The following RBM44 variants were observed in gnomAD, a reference collection of about 807,000 sequenced individuals.
The protein encoded by RBM44 is RNA-binding protein 44.
RBM44 carries 66 observed loss-of-function variants against 105.1 expected under a neutral mutation model. The ratio of observed to expected loss-of-function variants is 0.63; its 90% CI spans 0.52 to 0.77. The LOEUF is 0.77. Among genes scored for constraint, RBM44 ranks in the 30% least tolerant of loss-of-function variants. The pLI is 0.00. For synonymous variants in RBM44, 365 were observed against 417.6 expected, an observed-to-expected ratio of 0.87 and a Z score of 1.54; for missense variants, 1,122 against 1,207.8, an observed-to-expected ratio of 0.93 and a Z score of 1.05.
In RBM44 at chr2:237,818,346, CT is replaced by C. The variant is rs750147819; in HGVS notation, c.1429del (p.Cys477ValfsTer14). 7.4e-6 allele frequency: 12 copies of C among 1,611,320 alleles called. No individual in the cohort carries two copies. The South Asian group carries it at 1.1e-4, about 15-fold the overall frequency. ...GTGGACGTTAGCACTGATTTTAGGG[CT>C]TGTTTCACAACCAGCAGGGCAACAA... The part of the protein sequence containing the change: ...QTVDVSTDFR[A>X]CFTTSRATSA... On this transcript the variant is annotated frameshift_variant, in exon 3 of 16. Transcript: ENST00000316997. LOFTEE classifies it high-confidence loss of function. This position sits in a 1 kb window ranked among gnomAD's most constrained non-coding sequence, Gnocchi z 4.6.
At chr2:237,831,833 G>A (rs2061906090) in intron 13 of RBM44, among the ~76,000 whole-genome samples, 1 of 152,034 alleles carries the variant, frequency 6.6e-6, no homozygotes, top group Non-Finnish European at 1.5e-5. Context: ...CCCTTCATGT[G>A]TGGGATTGAT....
At position 237,818,991 on chromosome 2, in the gene RBM44, C is replaced by G; in HGVS notation, c.1736+32C>G. 8.5e-7 allele frequency: 1 copy of G among 1,176,878 alleles called. No homozygotes were observed. The highest frequency in any genetic ancestry group is 2.4e-5 in the Admixed American group (1 of 42,022). 72.9% of individuals were successfully genotyped at this position (1,176,878 alleles called of 1,614,324 possible). A position where few individuals can be genotyped will look rare whatever the true frequency, so the allele number is the denominator to read the frequency against. On this transcript the variant is annotated intron_variant, in intron 4 of 15. Coordinates refer to ENST00000316997, the MANE Select transcript of RBM44 (RefSeq NM_001080504.3). This position sits in a 1 kb window ranked among gnomAD's most constrained non-coding sequence, Gnocchi z 4.6. ...CATTTATATATGCTTACAGATACAT[C>G]TGGAAGAAAAAATCAAAATAGTATT...
chr2:237,825,011 T>C (rs2061833767), intron 10 of RBM44, among the ~76,000 whole-genome samples: 1 of 152,056 alleles, frequency 6.6e-6, no homozygotes, highest in African/African-American at 2.4e-5. Flanking sequence ...GGTTGTATTG[T>C]TTTTTCCTGC....
chr2:237,824,793 A>G (rs2061831206), intron 10 of RBM44, among the ~76,000 whole-genome samples: 1 of 152,054 alleles, frequency 6.6e-6, no homozygotes, highest in Non-Finnish European at 1.5e-5. Flanking sequence ...AATTGGTGTT[A>G]ATGATGAAAA....
chr2:237,812,862 A>T (rs1459751991), intron 1 of RBM44, among the ~76,000 whole-genome samples: 1 of 152,300 alleles, frequency 6.6e-6, no homozygotes, highest in East Asian at 1.9e-4. Context: ...CTGGGTTCAG[A>T]GTCATTATAT....
At chr2:237,807,198 G>T (rs1475701660) in intron 1 of RBM44, among the ~76,000 whole-genome samples, 3 of 152,138 alleles carry the variant, frequency 2.0e-5, no homozygotes, top group Admixed American at 6.5e-5. Context: ...GCCCAGGATG[G>T]AGTGCAGTGG....
chr2:237,840,486 T>TA (rs2062001570), intron 15 of RBM44, among the ~76,000 whole-genome samples: 1 of 152,048 alleles, frequency 6.6e-6, no homozygotes, highest in Admixed American at 6.6e-5. Flanking sequence ...ACCTAAGAAT[T>TA]ACCATTCTGG....
rs1399410723 is a variant in RBM44 at position 237,823,353 on chromosome 2, A to G, written c.2206-87A>G. 4 of 629,876 alleles carry G rather than the reference A, an allele frequency of 6.4e-6. No individual in the cohort carries two copies. The Admixed American group carries it at 1.2e-4, about 19-fold the overall frequency. The allele number at this position is 629,876 out of a possible 1,614,324, so 39.0% of individuals were successfully genotyped here. On this transcript the variant is annotated intron_variant, in intron 8 of 15. Coordinates refer to ENST00000316997, the MANE Select transcript of RBM44 (RefSeq NM_001080504.3). ...GAGCCCTCATTACTGTAAAGGCTGA[A>G]TAATGCCAGTGAAGAGTACCTGTCA...
intron 2 of RBM44, 80 bp downstream of exon 2, chr2:237,813,762 G>A: frequency 3.2e-6 from 3 of 935,980 alleles, no homozygotes; most frequent in Non-Finnish European, 1.7e-6. Context: ...TGCCCTTCAG[G>A]TTGCTGCTTT....
chr2:237,818,283 C>G lies in RBM44; in HGVS notation c.1364C>G (p.Thr455Arg), dbSNP rs765776671. The G allele has an allele frequency of 3.1e-6, 5 of 1,613,286 alleles. No individual in the cohort carries two copies. The East Asian group carries it at 1.1e-4, about 36-fold the overall frequency. ...GGAGAAATGTGTACTAAATCATTGA[C>G]AGATGCAGCAAGTTGTACAGTCACA... Reference protein sequence around the residue: ...NIGEMCTKSLTDAASCTVTIN... With the variant: ...NIGEMCTKSLRDAASCTVTIN... Residue 455 changes from threonine (T) to arginine (R), a missense_variant, in exon 3 of 16, where the codon ACA (threonine) becomes AGA (arginine). Physicochemically the swap from Thr to Arg is moderately conservative, Grantham distance 71. Coordinates refer to ENST00000316997, the MANE Select transcript of RBM44 (RefSeq NM_001080504.3). The surrounding 1 kb of genome is among the most constrained non-coding windows in gnomAD (Gnocchi z 4.6).
intron 1 of RBM44, among the ~76,000 whole-genome samples, chr2:237,809,607 G>A (rs917186491): frequency 1.3e-5 from 2 of 152,084 alleles, no homozygotes; most frequent in African/African-American, 4.8e-5. Flanking sequence ...ATGCCTCAGT[G>A]CCTAATTCTT....
At chr2:237,804,866 A>G (rs1231223921) in intron 1 of RBM44, among the ~76,000 whole-genome samples, 6 of 152,122 alleles carry the variant, frequency 3.9e-5, no homozygotes, top group Non-Finnish European at 8.8e-5. Context: ...ATTCTTTGCC[A>G]AGGCAAACCA....
chr2:237,830,402 T>A (rs1270062248), intron 13 of RBM44, among the ~76,000 whole-genome samples: 1 of 152,184 alleles, frequency 6.6e-6, no homozygotes, highest in Non-Finnish European at 1.5e-5. Flanking sequence ...TCGTGCCTTG[T>A]CTTTTCATTC....
At position 237,834,024 on chromosome 2, in the gene RBM44, G is replaced by A. The variant is rs762376886; in HGVS notation, c.2914G>A (p.Glu972Lys). Reference sequence around the variant, plus strand: ...TGTCAAGAAGAATTGTAAGCAGATTGAATCTGCTAAATTATTACCTGATAC... The same window carrying A: ...TGTCAAGAAGAATTGTAAGCAGATTAAATCTGCTAAATTATTACCTGATAC... ...QGVKKNCKQI[E>K]SAKLLPDTPV... Residue 972 changes from glutamate to lysine, a missense_variant, in exon 14 of 16, where the codon GAA (glutamate) becomes AAA (lysine). Physicochemically the swap from Glu to Lys is moderately conservative, Grantham distance 56. Transcript: ENST00000316997. The A allele has an allele frequency of 2.6e-6, 4 of 1,558,376 alleles. No individual in the cohort carries two copies. In the South Asian group the frequency reaches 3.6e-5, roughly 14 times the overall value.
At chr2:237,804,064 T>C (rs1018474136) in intron 1 of RBM44, among the ~76,000 whole-genome samples, 3 of 152,030 alleles carry the variant, frequency 2.0e-5, no homozygotes, top group Non-Finnish European at 4.4e-5. Flanking sequence ...GAGACAGGGT[T>C]TCACCATGTT....
chr2:237,805,515 G>A (rs1266865359), intron 1 of RBM44, among the ~76,000 whole-genome samples: 1 of 152,096 alleles, frequency 6.6e-6, no homozygotes, highest in African/African-American at 2.4e-5. Flanking sequence ...CCAAGAAAGA[G>A]CCTGAATAGC....
intron 13 of RBM44, among the ~76,000 whole-genome samples, chr2:237,832,309 T>C (rs1429042887): frequency 2.6e-5 from 4 of 151,986 alleles, no homozygotes; most frequent in Non-Finnish European, 4.4e-5. Context: ...TGTGTCATCA[T>C]GCCCAGCTAA....
chr2:237,820,470 G>C lies in RBM44; in HGVS notation c.1913+119G>C, dbSNP rs1457461985. 4.8e-6 allele frequency: 3 copies of C among 624,958 alleles called. No individual in the cohort carries two copies. In the East Asian group the frequency reaches 9.3e-5, roughly 19 times the overall value. 38.7% of individuals were successfully genotyped at this position (624,958 alleles called of 1,614,324 possible). On this transcript the variant is annotated intron_variant, in intron 5 of 15. Coordinates refer to ENST00000316997, the MANE Select transcript of RBM44 (RefSeq NM_001080504.3). ...GTAAAATGAGGAGTAGATTGTTACT[G>C]GGTTTGTTAGTTAGCCTAAGGGTAA...
intron 8 of RBM44, among the ~76,000 whole-genome samples, chr2:237,822,139 A>G (rs906133645): frequency 6.6e-6 from 1 of 152,056 alleles, no homozygotes; most frequent in African/African-American, 2.4e-5. Context: ...TGGGCAAACA[A>G]TAATTTAGTG....
Sources: allele counts gnomAD v4.1 joint callset (sites outside exome capture counted in the v4.1 genomes callset), GRCh38; gene constraint gnomAD v4.1.1; non-coding constraint Gnocchi (gnomAD v3.1); transcripts MANE v1.5; gene names NCBI Gene and HGNC (gene_info 2026-07-23, HGNC 2026-07-21).